Variants in SPTBN4 observed in about 807,000 individuals in gnomAD.
SPTBN4 encodes spectrin beta, non-erythrocytic 4, also known as spectrin beta chain, non-erythrocytic 4.
SPTBN4 carries 96 observed loss-of-function variants against 277.8 expected under a neutral mutation model. That is an observed-to-expected ratio of 0.35 (90% confidence interval 0.29 to 0.41). The LOEUF (loss-of-function observed/expected upper bound fraction) is 0.41. SPTBN4 is among the 10% of genes least tolerant of loss of function. The pLI is 1.00. For missense variants in SPTBN4, 3,006 were observed against 3,595.7 expected, an observed-to-expected ratio of 0.84 and a Z score of 4.19; for synonymous variants, 1,481 against 1,580.3, an observed-to-expected ratio of 0.94 and a Z score of 1.49.
intron 31 of SPTBN4, 123 bp from the exon 32 acceptor site, chr19:40,569,534 T>C: frequency 2.2e-6 from 2 of 918,224 alleles, no homozygotes; most frequent in Non-Finnish European, 3.3e-6. Flanking sequence ...GAGAAACAGC[T>C]GCAGAAGTGG....
chr19:40,492,025 A>AC (rs1568770290), intron 4 of SPTBN4, among the ~76,000 whole-genome samples: 19 of 142,988 alleles, frequency 1.3e-4, no homozygotes, highest in African/African-American at 4.9e-4. Context: ...TCCATCTAAA[A>AC]AAAACAAAAA....
Position 40,512,884 on chromosome 19 carries a change from G to T in SPTBN4, c.2095G>T (p.Ala699Ser). 1 of 1,446,856 alleles carries T rather than the reference G, an allele frequency of 6.9e-7. No homozygotes were observed. Among genetic ancestry groups the T allele is most frequent in the Non-Finnish European group, 9.0e-7 (1 of 1,111,588 alleles). The allele number at this position is 1,446,856 out of a possible 1,614,324, so 89.6% of individuals were successfully genotyped here. The change falls in exon 14 of 36, where the codon GCC becomes TCC. Residue 699 changes from alanine to serine, a missense_variant. Ala to Ser is a moderately conservative substitution (Grantham distance 99). Coordinates refer to ENST00000598249, the MANE Select transcript of SPTBN4 (RefSeq NM_020971.3). ...HDLSSTARLLAQHKILQGELG... is the reference protein window; with the variant it reads ...HDLSSTARLLSQHKILQGELG... ...CCTGTCCAGCACAGCGCGCCTCCTGGCCCAGCACAAGATCCTGCAGGGCGA... is the reference window on the plus strand; with the variant it reads ...CCTGTCCAGCACAGCGCGCCTCCTGTCCCAGCACAAGATCCTGCAGGGCGA...
At chr19:40,514,725 G>A (rs1395047595) in intron 14 of SPTBN4, among the ~76,000 whole-genome samples, 1 of 152,184 alleles carries the variant, frequency 6.6e-6, no homozygotes, top group Non-Finnish European at 1.5e-5. Flanking sequence ...CAAGGCTGTG[G>A]GGCTGGGTGG....
In SPTBN4 at chr19:40,513,252, G is replaced by A; in HGVS notation, c.2463G>A (p.Glu821=). ...GCCAGCACCGCGCGCTCACCGGGGA[G>A]GTGGAGGCACATCGCGGGCCCGTGA... ...LARQHRALTG[E]VEAHRGPVSG... Residue 821 remains glutamate (E), a synonymous_variant, in exon 14 of 36, where the codon GAG becomes GAA. Transcript: ENST00000598249. 2 of 1,526,298 alleles carry A rather than the reference G, an allele frequency of 1.3e-6. No homozygotes were observed. The highest frequency in any genetic ancestry group is 8.8e-7 in the Non-Finnish European group (1 of 1,142,578). 94.5% of individuals were successfully genotyped at this position (1,526,298 alleles called of 1,614,324 possible).
Position 40,504,058 on chromosome 19 carries a change from C to A in SPTBN4, c.1591C>A (p.Leu531Ile), listed in dbSNP as rs1251266794. 1 of 1,595,730 alleles carries A rather than the reference C, an allele frequency of 6.3e-7. No individual in the cohort carries two copies. The highest frequency in any genetic ancestry group is 1.7e-5 in the Admixed American group (1 of 59,340). ...GCTTGTGGGTGCCCGGCGGACACGACTTGAGCAGAACCTTGCCCTGCAGAA... is the reference window on the plus strand; with the variant it reads ...GCTTGTGGGTGCCCGGCGGACACGAATTGAGCAGAACCTTGCCCTGCAGAA... The part of the protein sequence containing the change: ...TGLVGARRTR[L>I]EQNLALQKVF... Residue 531 changes from leucine (L) to isoleucine (I), a missense_variant, in exon 12 of 36, where the codon CTT becomes ATT. Around this residue, in one of 5 missense-constraint regions of SPTBN4, gnomAD observed 1,759 missense variants for 2,061.5 expected, o/e 0.85. Transcript: ENST00000598249.
chr19:40,494,017 C>G (rs2080166816), intron 5 of SPTBN4, among the ~76,000 whole-genome samples: 1 of 152,216 alleles, frequency 6.6e-6, no homozygotes, highest in Non-Finnish European at 1.5e-5. Context: ...TTCAGTGTGG[C>G]TGAGCTGGTG....
At chr19:40,528,995 C>G (rs754636413) in intron 17 of SPTBN4, 46 bp from the exon 18 acceptor site, 1 of 1,525,968 alleles carries the variant, frequency 6.6e-7, no homozygotes, top group Admixed American at 1.7e-5. Flanking sequence ...AGCGCCGCAC[C>G]CCCCAACCCG....
At chr19:40,492,812 C>T (rs906217365) in intron 4 of SPTBN4, 151 bp from the exon 5 acceptor site, 1 of 609,346 alleles carries the variant, frequency 1.6e-6, no homozygotes, top group Non-Finnish European at 3.0e-6. Context: ...AGGAATTATC[C>T]TCACACTCCT....
chr19:40,546,318 G>A (rs1229757019), intron 20 of SPTBN4, among the ~76,000 whole-genome samples: 2 of 152,022 alleles, frequency 1.3e-5, no homozygotes, highest in East Asian at 1.9e-4. Context: ...ATAAGACTGA[G>A]CATCTTTTCA....
At chr19:40,496,706 C>G (rs2080201120) in intron 6 of SPTBN4, among the ~76,000 whole-genome samples, 1 of 152,206 alleles carries the variant, frequency 6.6e-6, no homozygotes. Context: ...TGAACTGGCT[C>G]TGGTCCTCAC....
chr19:40,552,349 G>A (rs1338628807), intron 22 of SPTBN4, among the ~76,000 whole-genome samples: 3 of 151,820 alleles, frequency 2.0e-5, no homozygotes, highest in African/African-American at 7.3e-5. Flanking sequence ...CAGCTACTCG[G>A]GAGGCTGGGG....
chr19:40,539,050 T>C (rs1166925991), intron 20 of SPTBN4, among the ~76,000 whole-genome samples: 1 of 152,230 alleles, frequency 6.6e-6, no homozygotes, highest in Non-Finnish European at 1.5e-5. Context: ...GCTTGGACTA[T>C]GGGTCTCAAG....
chr19:40,551,471 T>G (rs1278985926), intron 22 of SPTBN4, among the ~76,000 whole-genome samples: 2 of 151,996 alleles, frequency 1.3e-5, no homozygotes, highest in Admixed American at 6.6e-5. Flanking sequence ...AGGACAGAGA[T>G]AATCAGCAAG....
At chr19:40,541,735 C>A (rs1053916788) in intron 20 of SPTBN4, among the ~76,000 whole-genome samples, 3 of 152,028 alleles carry the variant, frequency 2.0e-5, no homozygotes, top group Non-Finnish European at 4.4e-5. Context: ...CTCTCTCACT[C>A]CCTTCTCTCT....
At chr19:40,552,268 ACACGGTGAAAC>A (rs1236951813) in intron 22 of SPTBN4, among the ~76,000 whole-genome samples, 1 of 152,012 alleles carries the variant, frequency 6.6e-6, no homozygotes, top group Non-Finnish European at 1.5e-5. Context: ...ATCCTGGCTA[ACACGGTGAAAC>A]CGCGTCTCTA....
chr19:40,513,311 G>A lies in SPTBN4; in HGVS notation c.2522G>A (p.Gly841Asp), dbSNP rs1207267949. Residue 841 changes from glycine to aspartate, a missense_variant, in exon 14 of 36, where the codon GGT becomes GAT. By Grantham distance (94) the Gly-to-Asp change is moderately conservative (BLOSUM62 -1). This residue lies in a region of SPTBN4 where 1,759 missense variants were observed against 2,061.5 expected (regional missense o/e 0.85). Transcript: ENST00000598249. ...GLRRQLATLG[G>D]ASGAGPLVVA... is the part of the protein sequence containing the mutation. ...CGGCGCCAGCTGGCGACACTCGGGG[G>A]TGCCAGTGGCGCAGGGCCACTGGTG... 4 of 1,566,150 alleles carry A rather than the reference G, an allele frequency of 2.6e-6. No homozygotes were observed. The highest frequency in any genetic ancestry group is 1.2e-5 in the South Asian group (1 of 85,960).
rs974990933 is a variant in SPTBN4 at position 40,472,789 on chromosome 19, A to G, written c.168A>G (p.Ala56=). 7.7e-7 allele frequency: 1 copy of G among 1,297,228 alleles called. No individual in the cohort carries two copies. The highest frequency in any genetic ancestry group is 1.6e-5 in the African/African-American group (1 of 63,708). 80.4% of individuals were successfully genotyped at this position (1,297,228 alleles called of 1,614,324 possible). A position where few individuals can be genotyped will look rare whatever the true frequency, so the allele number is the denominator to read the frequency against. The change falls in exon 2 of 36, where the codon GCA becomes GCG. Residue 56 remains alanine, a splice_region_variant and synonymous_variant. Coordinates refer to ENST00000598249, the MANE Select transcript of SPTBN4 (RefSeq NM_020971.3). ...AGTGCTCCCGGATCAAGGCCTTGGCAGGTACCTGGAGGAGGGCTGGGGTGG... is the reference window on the plus strand; with the variant it reads ...AGTGCTCCCGGATCAAGGCCTTGGCGGGTACCTGGAGGAGGGCTGGGGTGG... ...LFECSRIKAL[A]DEREAVQKKT... is the part of the protein sequence containing the mutation.
At chr19:40,550,416 T>C (rs540852072) in intron 22 of SPTBN4, 89 bp downstream of exon 22, 1 of 1,229,688 alleles carries the variant, frequency 8.1e-7, no homozygotes, top group Non-Finnish European at 1.2e-6. Context: ...AAACAATGAA[T>C]GTATTGGCTT....
In SPTBN4 at chr19:40,554,033, TG is replaced by T; in HGVS notation, c.4675-109del. The T allele has an allele frequency of 9.2e-7, 1 of 1,086,406 alleles. No homozygotes were observed. The highest frequency in any genetic ancestry group is 1.9e-5 in the South Asian group (1 of 52,140). The allele number at this position is 1,086,406 out of a possible 1,614,324, so 67.3% of individuals were successfully genotyped here. On this transcript the variant is annotated intron_variant, in intron 22 of 35. Transcript: ENST00000598249. This position sits in a 1 kb window ranked among gnomAD's most constrained non-coding sequence, Gnocchi z 5.7. ...TGGTCTTGGCACGTGGTTAGCGAGC[TG>T]GGGGTGCTTGTTAATTGCCCCGTGG...
Sources: gnomAD v4.1 joint callset for allele counts (sites outside exome capture counted in the v4.1 genomes callset) on GRCh38, gnomAD v4.1.1 for gene constraint, gnomAD v4.1.1 regional missense constraint, Gnocchi (gnomAD v3.1) non-coding constraint, MANE v1.5 for transcripts, NCBI Gene and HGNC (gene_info 2026-07-23, HGNC 2026-07-21) for gene names.